Variants in DSCAM observed in about 807,000 individuals in gnomAD.
DSCAM encodes DS cell adhesion molecule.
Under a neutral mutation model 217.7 loss-of-function variants are expected in DSCAM, and 47 were observed. The ratio of observed to expected loss-of-function variants is 0.22; its 90% CI spans 0.17 to 0.28. The LOEUF (loss-of-function observed/expected upper bound fraction) is 0.28. Ranked by LOEUF, DSCAM falls within the 10% of genes least tolerant of loss-of-function variation. The probability of loss-of-function intolerance (pLI) is 1.00; values close to 1 mark genes in which losing one functional copy is unlikely to be tolerated. For missense variants in DSCAM, 2,080 were observed against 2,618.3 expected (o/e 0.79, Z 4.49); for synonymous variants, 1,056 against 1,015.3 (o/e 1.04, Z -0.76).
At chr21:40,461,804 CT>C (rs2075808252) in intron 3 of DSCAM, among the ~76,000 whole-genome samples, 1 of 152,178 alleles carries the variant, frequency 6.6e-6, no homozygotes, top group African/African-American at 2.4e-5. Flanking sequence ...CCATTGCTGG[CT>C]TTGCAGAGAG....
chr21:40,267,630 C>T (rs551250391), intron 11 of DSCAM, among the ~76,000 whole-genome samples: 2 of 152,312 alleles, frequency 1.3e-5, no homozygotes, highest in South Asian at 4.2e-4. Context: ...GGTGTGGTGG[C>T]TTACACCTGT....
rs191276442 is a variant in DSCAM, at chr21:40,426,618, G to A, written c.509-57373C>T. Among the ~76,000 whole-genome samples, 616 of 152,308 alleles carry A rather than the reference G, an allele frequency of 4.0e-3. 4 individuals carry two copies. The highest frequency in any genetic ancestry group is 0.014 in the African/African-American group (573 of 41,574). On this transcript the variant is annotated intron_variant, in intron 3 of 32. Transcript: ENST00000400454. ...TAGATGTCAATGTCATAAAAGATAA[G>A]TGTTCTAGAGAGTACTATGACATGA...
At chr21:40,579,842 A>G (rs895586258) in intron 3 of DSCAM, among the ~76,000 whole-genome samples, 4 of 152,282 alleles carry the variant, frequency 2.6e-5, no homozygotes. Context: ...AAAAAAGTGA[A>G]GATTTTTCTT....
chr21:40,503,044 C>T (rs1233411726), intron 3 of DSCAM, among the ~76,000 whole-genome samples: 1 of 152,230 alleles, frequency 6.6e-6, no homozygotes, highest in Non-Finnish European at 1.5e-5. Context: ...AGAACCATAG[C>T]ATTCCTTTAA....
rs1366018422 is a variant in DSCAM at position 40,187,768 on chromosome 21, A to G, written c.2650+123T>C. On this transcript the variant is annotated intron_variant, in intron 13 of 32. Coordinates refer to ENST00000400454, the MANE Select transcript of DSCAM (RefSeq NM_001389.5). Reference sequence around the variant, plus strand: ...TTAGCACTGACATTATACATATTCAAAATTTCCTGGGAATTAGGAAGTGTT... The same window carrying G: ...TTAGCACTGACATTATACATATTCAGAATTTCCTGGGAATTAGGAAGTGTT... 12 of 906,238 alleles carry G rather than the reference A, an allele frequency of 1.3e-5. No homozygotes were observed. The Admixed American group carries it at 2.0e-4, about 15-fold the overall frequency. The allele number at this position is 906,238 out of a possible 1,614,324, so 56.1% of individuals were successfully genotyped here. A position where few individuals can be genotyped will look rare whatever the true frequency, so the allele number is the denominator to read the frequency against.
intron 1 of DSCAM, among the ~76,000 whole-genome samples, chr21:40,794,253 A>G (rs888095564): frequency 6.6e-6 from 1 of 152,186 alleles, no homozygotes; most frequent in African/African-American, 2.4e-5. Flanking sequence ...AGAAGCAATA[A>G]GTGATATATT....
intron 3 of DSCAM, among the ~76,000 whole-genome samples, chr21:40,673,976 G>A (rs770695711): frequency 2.6e-5 from 4 of 152,082 alleles, no homozygotes; most frequent in Non-Finnish European, 4.4e-5. Flanking sequence ...TCTAAAAAGA[G>A]AAAATAAAAA....
intron 3 of DSCAM, among the ~76,000 whole-genome samples, chr21:40,549,110 C>T (rs1236490159): frequency 1.3e-5 from 2 of 152,052 alleles, no homozygotes; most frequent in South Asian, 2.1e-4. Context: ...GAGGCTGAGG[C>T]GTGAGGATCA....
intron 3 of DSCAM, among the ~76,000 whole-genome samples, chr21:40,538,297 C>T (rs1412410332): frequency 7.5e-6 from 1 of 134,148 alleles, no homozygotes; most frequent in Admixed American, 7.3e-5. Flanking sequence ...CCAAAGCTAA[C>T]CCCGTGCACA....
chr21:40,728,504 C>T (rs1183350792), intron 1 of DSCAM, among the ~76,000 whole-genome samples: 8 of 151,962 alleles, frequency 5.3e-5, no homozygotes, highest in Admixed American at 1.3e-4. Context: ...CTGCAACCTC[C>T]GTCTCCCGGG....
chr21:40,624,141 A>C (rs1311026303), intron 3 of DSCAM, among the ~76,000 whole-genome samples: 1 of 152,162 alleles, frequency 6.6e-6, no homozygotes, highest in Non-Finnish European at 1.5e-5. Flanking sequence ...ATGTTGTATC[A>C]ATCAGATTTT....
chr21:40,422,265 C>A (rs2075431774), intron 3 of DSCAM, among the ~76,000 whole-genome samples: 1 of 152,110 alleles, frequency 6.6e-6, no homozygotes, highest in Non-Finnish European at 1.5e-5. Context: ...GGCATATACC[C>A]TAAAAGTCTA....
intron 1 of DSCAM, among the ~76,000 whole-genome samples, chr21:40,842,177 C>T (rs1470278795): frequency 6.6e-6 from 1 of 152,100 alleles, no homozygotes; most frequent in Non-Finnish European, 1.5e-5. Context: ...GCAGGTAGCA[C>T]CACCTCCCTA....
At chr21:40,348,461 C>G (rs1456401762) in intron 5 of DSCAM, among the ~76,000 whole-genome samples, 2 of 152,294 alleles carry the variant, frequency 1.3e-5, no homozygotes, top group East Asian at 3.9e-4. Context: ...TTCCTATCAG[C>G]CACATTATTG....
At chr21:40,574,499 T>C (rs931737916) in intron 3 of DSCAM, among the ~76,000 whole-genome samples, 2 of 152,196 alleles carry the variant, frequency 1.3e-5, no homozygotes, top group African/African-American at 4.8e-5. Context: ...TTACAGAAGA[T>C]ATACAAATAA....
At chr21:40,756,667 C>T (rs1053859815) in intron 1 of DSCAM, among the ~76,000 whole-genome samples, 2 of 152,184 alleles carry the variant, frequency 1.3e-5, no homozygotes, top group African/African-American at 4.8e-5. Context: ...GCTGGGATTA[C>T]AGGCATGAGC....
At chr21:40,244,783 C>T (rs922234348) in intron 11 of DSCAM, among the ~76,000 whole-genome samples, 4 of 152,114 alleles carry the variant, frequency 2.6e-5, no homozygotes, top group Admixed American at 6.5e-5. Context: ...TTGTAACAGA[C>T]CTCATTTTCC....
intron 11 of DSCAM, among the ~76,000 whole-genome samples, chr21:40,231,654 G>A (rs532578243): frequency 6.0e-5 from 9 of 151,212 alleles, no homozygotes; most frequent in East Asian, 2.1e-4. Flanking sequence ...AGGAGCACAC[G>A]ACCATGCCCA....
chr21:40,669,761 T>C (rs984542872), intron 3 of DSCAM, among the ~76,000 whole-genome samples: 2 of 152,056 alleles, frequency 1.3e-5, no homozygotes, highest in African/African-American at 2.4e-5. Flanking sequence ...GTATTTTTAG[T>C]AGAGATGGGG....
Sources: allele counts gnomAD v4.1 joint callset (sites outside exome capture counted in the v4.1 genomes callset), GRCh38; gene constraint gnomAD v4.1.1; transcripts MANE v1.5; gene names NCBI Gene and HGNC (gene_info 2026-07-23, HGNC 2026-07-21).